CREB5: variants seen among roughly 807,000 people sequenced by gnomAD.
CREB5 encodes the protein cAMP responsive element binding protein 5, also known as cyclic AMP-responsive element-binding protein 5.
CREB5 carries 19 observed loss-of-function variants against 57.1 expected under a neutral mutation model. The observed-to-expected ratio is 0.33, with a 90% CI of 0.23 to 0.49. CREB5 has a LOEUF of 0.49. Ranked by LOEUF, CREB5 falls within the 20% of genes least tolerant of loss-of-function variation. The pLI is 0.99. For synonymous variants in CREB5, 238 were observed against 238.3 expected, an observed-to-expected ratio of 1.00 and a Z score of 0.01; for missense variants, 579 against 671.6, an observed-to-expected ratio of 0.86 and a Z score of 1.52.
intron 4 of CREB5, among the ~76,000 whole-genome samples, chr7:28,508,267 T>C (rs217515): frequency 0.72 from 109,549 of 152,160 alleles, 40,073 homozygotes; most frequent in African/African-American, 0.82. Context: ...AGGAAAATCA[T>C]TTTGTGAAAC....
At chr7:28,313,907 T>C (rs888335712) in intron 1 of CREB5, among the ~76,000 whole-genome samples, 1 of 152,192 alleles carries the variant, frequency 6.6e-6, no homozygotes, top group African/African-American at 2.4e-5. Flanking sequence ...ATGAGTTTTA[T>C]TGGGAGCTGC....
At chr7:28,546,473 T>C (rs1794429020) in intron 4 of CREB5, among the ~76,000 whole-genome samples, 1 of 152,194 alleles carries the variant, frequency 6.6e-6, no homozygotes, top group African/African-American at 2.4e-5. Flanking sequence ...CCAGATTGTT[T>C]TCTGTTTTTC....
At chr7:28,619,633 C>A (rs1797721196) in intron 5 of CREB5, among the ~76,000 whole-genome samples, 1 of 152,136 alleles carries the variant, frequency 6.6e-6, no homozygotes, top group African/African-American at 2.4e-5. Context: ...GAGTTTGAGA[C>A]CAGCTTGGGC....
chr7:28,560,877 T>C lies in CREB5; in HGVS notation c.292-9488T>C, dbSNP rs1294906760. Among the ~76,000 whole-genome samples, 60 of 30,848 alleles carry C rather than the reference T, an allele frequency of 1.9e-3. 6 individuals are homozygous for C. The East Asian group carries it at 0.023, about 12-fold the overall frequency. 20.2% of individuals were successfully genotyped at this position (30,848 alleles called of 152,430 possible). A position where few individuals can be genotyped will look rare whatever the true frequency, so the allele number is the denominator to read the frequency against. ...GTGTGTGCGTGTGCCTGCGTGCGCG[T>C]GCGTGCGTGCGTGTGTGTGCGTGCG... On this transcript the variant is annotated intron_variant, in intron 4 of 10. Transcript: ENST00000357727.
In CREB5 at chr7:28,455,685, C is replaced by T. The variant is rs565132997; in HGVS notation, c.4-32490C>T. The stretch of plus-strand genomic sequence containing the variant: ...GGCTTTGATGCTTCATGGAGGAATG[C>T]GGGGTTAAAGTAGTGGGGGGTGGGT... On this transcript the variant is annotated intron_variant, in intron 1 of 10. Transcript: ENST00000357727. 2.0e-4 allele frequency among the ~76,000 whole-genome samples: 29 copies of T among 143,642 alleles called. No homozygotes were observed. The South Asian group carries it at 3.6e-3, about 18-fold the overall frequency. 94.2% of individuals were successfully genotyped at this position (143,642 alleles called of 152,430 possible).
intron 1 of CREB5, among the ~76,000 whole-genome samples, chr7:28,445,566 A>G (rs55637769): frequency 7.1e-6 from 1 of 140,812 alleles, no homozygotes; most frequent in Non-Finnish European, 1.6e-5. Context: ...TTTTTTTTTT[A>G]TTTGAGACGG....
intron 1 of CREB5, among the ~76,000 whole-genome samples, chr7:28,313,027 C>A (rs1293307825): frequency 6.6e-6 from 1 of 152,174 alleles, no homozygotes. Flanking sequence ...TAGTTTAGGT[C>A]GGTGTTTCTC....
chr7:28,724,240 G>C lies in CREB5; in HGVS notation c.610G>C (p.Val204Leu). Residue 204 changes from valine (V) to leucine (L), a missense_variant, in exon 7 of 11, where the codon GTG becomes CTG. This residue lies in a region of CREB5 where 459 missense variants were observed against 515.7 expected (regional missense o/e 0.89). Transcript: ENST00000357727. ...VLMPMERQMS[V>L]NSSIMGMQGP... ...CTCTTAGATGGAGCGACAAATGTCA[G>C]TGAACTCCAGCATCATGGGGATGCA... 6.2e-7 allele frequency: 1 copy of C among 1,613,166 alleles called. No homozygotes were observed. The highest frequency in any genetic ancestry group is 8.5e-7 in the Non-Finnish European group (1 of 1,179,702).
intron 5 of CREB5, among the ~76,000 whole-genome samples, chr7:28,583,235 A>G (rs1015624188): frequency 1.3e-5 from 2 of 152,158 alleles, no homozygotes; most frequent in Non-Finnish European, 2.9e-5. Context: ...TTTTTTCTCT[A>G]TGTACCACAA....
chr7:28,442,338 T>G (rs2128561253), intron 1 of CREB5, among the ~76,000 whole-genome samples: 1 of 152,296 alleles, frequency 6.6e-6, no homozygotes, highest in South Asian at 2.1e-4. Flanking sequence ...CATCCGTTCA[T>G]CTGTTGATGG....
intron 5 of CREB5, among the ~76,000 whole-genome samples, chr7:28,617,181 A>G (rs1797624738): frequency 6.6e-6 from 1 of 152,264 alleles, no homozygotes. Flanking sequence ...ATTTAACAAC[A>G]TCCCTGGGAG....
chr7:28,656,813 A>T (rs1336167849), intron 5 of CREB5, among the ~76,000 whole-genome samples: 1 of 152,088 alleles, frequency 6.6e-6, no homozygotes, highest in African/African-American at 2.4e-5. Flanking sequence ...GGTTATTACA[A>T]ACCAATTTTT....
chr7:28,785,188 C>T (rs745411315), intron 7 of CREB5, among the ~76,000 whole-genome samples: 2 of 152,182 alleles, frequency 1.3e-5, no homozygotes, highest in Non-Finnish European at 1.5e-5. Flanking sequence ...TGTGTCAACT[C>T]ACTCTGTGGT....
At chr7:28,499,887 G>T (rs1214090863) in intron 3 of CREB5, among the ~76,000 whole-genome samples, 1 of 152,212 alleles carries the variant, frequency 6.6e-6, no homozygotes, top group Non-Finnish European at 1.5e-5. Flanking sequence ...CCGGCCAACT[G>T]TGTGTCTTTC....
At chr7:28,658,539 C>T (rs772575919) in intron 5 of CREB5, among the ~76,000 whole-genome samples, 38 of 152,310 alleles carry the variant, frequency 2.5e-4, no homozygotes, top group Middle Eastern at 3.4e-3. Context: ...CCTGCAGCTG[C>T]ACTGGGGAGC....
chr7:28,663,089 G>T (rs1452397098), intron 5 of CREB5, among the ~76,000 whole-genome samples: 2 of 151,258 alleles, frequency 1.3e-5, no homozygotes, highest in Non-Finnish European at 2.9e-5. Flanking sequence ...AGGTTGCAGT[G>T]AGCCGAGATC....
intron 10 of CREB5, among the ~76,000 whole-genome samples, chr7:28,818,386 A>G (rs1365767078): frequency 6.6e-6 from 1 of 152,112 alleles, no homozygotes; most frequent in Non-Finnish European, 1.5e-5. Context: ...CCACCTCCTG[A>G]TAATTTCTGG....
chr7:28,452,015 A>G (rs984622430), intron 1 of CREB5, among the ~76,000 whole-genome samples: 5 of 152,326 alleles, frequency 3.3e-5, no homozygotes, highest in Non-Finnish European at 5.9e-5. Context: ...TTACCGAGGG[A>G]GAAAGGTCCC....
intron 1 of CREB5, among the ~76,000 whole-genome samples, chr7:28,318,713 T>C (rs1044659634): frequency 1.3e-5 from 2 of 152,202 alleles, no homozygotes; most frequent in African/African-American, 4.8e-5. Context: ...TAAAATGTCC[T>C]GCATCTAGTT....
Sources: gnomAD v4.1 joint callset for allele counts (sites outside exome capture counted in the v4.1 genomes callset) on GRCh38, gnomAD v4.1.1 for gene constraint, gnomAD v4.1.1 regional missense constraint, MANE v1.5 for transcripts, NCBI Gene and HGNC (gene_info 2026-07-23, HGNC 2026-07-21) for gene names.